The following ATP9B variants were observed in gnomAD, a reference collection of about 807,000 sequenced individuals.
ATP9B encodes ATPase phospholipid transporting 9B.
ATP9B carries 110 observed loss-of-function variants against 146.1 expected under a neutral mutation model. The ratio of observed to expected loss-of-function variants is 0.75; its 90% CI spans 0.65 to 0.88. The LOEUF (loss-of-function observed/expected upper bound fraction) is 0.88, where lower values mean the gene tolerates loss of function less well. Among genes scored for constraint, ATP9B ranks in the 40% least tolerant of loss-of-function variants. The pLI is 0.00. For synonymous variants in ATP9B, 604 were observed against 569.7 expected (o/e 1.06, Z -0.86); for missense variants, 1,499 against 1,496.4 (o/e 1.00, Z -0.03).
chr18:79,236,675 G>A (rs542460246), intron 11 of ATP9B, among the ~76,000 whole-genome samples: 5 of 152,266 alleles, frequency 3.3e-5, no homozygotes, highest in Non-Finnish European at 4.4e-5. Flanking sequence ...AGTGATTGTC[G>A]AAAGGCTGCC....
chr18:79,227,836 A>G (rs2095752093), intron 11 of ATP9B, among the ~76,000 whole-genome samples: 1 of 152,236 alleles, frequency 6.6e-6, no homozygotes, highest in Admixed American at 6.5e-5. Flanking sequence ...GTGCCTTTTC[A>G]GGAAGTTTTA....
intron 6 of ATP9B, among the ~76,000 whole-genome samples, chr18:79,148,472 C>T (rs992281074): frequency 3.9e-5 from 6 of 152,158 alleles, no homozygotes; most frequent in African/African-American, 1.2e-4. Flanking sequence ...GTGTAATCTA[C>T]GCTATCAACA....
rs1397293074 is a variant in ATP9B, at chr18:79,373,672, G to A, written c.3071-226G>A. Among the ~76,000 whole-genome samples, 2 of 152,198 alleles carry A rather than the reference G, an allele frequency of 1.3e-5. 1 individual carries two copies. The highest frequency in any genetic ancestry group is 1.3e-4 in the Admixed American group (2 of 15,286). On this transcript the variant is annotated intron_variant, in intron 27 of 29. Coordinates refer to ENST00000426216, the MANE Select transcript of ATP9B (RefSeq NM_198531.5). ...GCCTGGCTAATTTTTTGTATCTTTAGTAGAGATGGGGTTTCAGCATGTTGG... is the reference window on the plus strand; with the variant it reads ...GCCTGGCTAATTTTTTGTATCTTTAATAGAGATGGGGTTTCAGCATGTTGG...
chr18:79,375,640 T>A, intron 29 of ATP9B: 1 of 985,288 alleles, frequency 1.0e-6, no homozygotes, highest in Non-Finnish European at 1.2e-6. Context: ...TGGCCCTGAG[T>A]GAGGGGAAGG....
chr18:79,377,112 C>A, intron 29 of ATP9B, 135 bp from the exon 30 acceptor site: 1 of 985,702 alleles, frequency 1.0e-6, no homozygotes, highest in Non-Finnish European at 1.5e-6. Context: ...TGGAGCTGGG[C>A]CCCTGTAAAT....
At chr18:79,171,487 T>C (rs1187855144) in intron 7 of ATP9B, among the ~76,000 whole-genome samples, 1 of 152,204 alleles carries the variant, frequency 6.6e-6, no homozygotes. Context: ...TAAAAATACA[T>C]TTTATATTGA....
At chr18:79,354,728 G>A (rs1370584734) in intron 25 of ATP9B, among the ~76,000 whole-genome samples, 1 of 151,580 alleles carries the variant, frequency 6.6e-6, no homozygotes, top group Non-Finnish European at 1.5e-5. Context: ...TGAACAGAGG[G>A]GGCAAGGGGC....
chr18:79,105,818 A>C lies in ATP9B; in HGVS notation c.294-4537A>C, dbSNP rs536009628. The stretch of plus-strand genomic sequence containing the variant: ...GTTCTAATGTCCTCAACTAATCGGC[A>C]GACGTTGAGGGCACAGAAGCATGGG... On this transcript the variant is annotated intron_variant, in intron 2 of 29. Transcript: ENST00000426216. 3.3e-5 allele frequency among the ~76,000 whole-genome samples: 5 copies of C among 152,344 alleles called. No individual in the cohort carries two copies. In the South Asian group the frequency reaches 1.0e-3, roughly 32 times the overall value.
chr18:79,079,738 T>G (rs1236833742), intron 1 of ATP9B, among the ~76,000 whole-genome samples: 5 of 151,764 alleles, frequency 3.3e-5, no homozygotes, highest in Middle Eastern at 3.4e-3. Context: ...GTGTCCTGAA[T>G]GGTATTGCCT....
intron 1 of ATP9B, among the ~76,000 whole-genome samples, chr18:79,070,712 A>G (rs923979631): frequency 6.6e-6 from 1 of 151,836 alleles, no homozygotes; most frequent in African/African-American, 2.4e-5. Flanking sequence ...CGCACATTCA[A>G]GATTTTTTGT....
At chr18:79,288,983 C>T (rs2096473234) in intron 13 of ATP9B, among the ~76,000 whole-genome samples, 1 of 152,136 alleles carries the variant, frequency 6.6e-6, no homozygotes, top group Non-Finnish European at 1.5e-5. Context: ...CCGAGAGATC[C>T]ACTGTTAGTC....
At chr18:79,078,999 T>A (rs1290872075) in intron 1 of ATP9B, among the ~76,000 whole-genome samples, 1 of 152,220 alleles carries the variant, frequency 6.6e-6, no homozygotes. Context: ...ACTCATCCTT[T>A]TTTATGGCTG....
At chr18:79,277,300 T>A in intron 13 of ATP9B, 104 bp downstream of exon 13, 1 of 1,412,792 alleles carries the variant, frequency 7.1e-7, no homozygotes, top group Non-Finnish European at 9.7e-7. Context: ...TATATGTGTA[T>A]GTATTGGAAC....
chr18:79,321,256 A>G lies in ATP9B; in HGVS notation c.1774-7885A>G, dbSNP rs143373146. On this transcript the variant is annotated intron_variant, in intron 15 of 29. Transcript: ENST00000426216. ...TGGGAACCAGCCGTTCCTTTGATGT[A>G]TCTTCAATAAGGAGGACCAGGTCTG... Among the ~76,000 whole-genome samples the G allele has an allele frequency of 1.3e-3, 201 of 152,354 alleles. 4 individuals are homozygous for G. Among genetic ancestry groups the G allele is most frequent in the African/African-American group, 4.8e-3 (198 of 41,586 alleles).
In ATP9B at chr18:79,307,460, C is replaced by G. The variant is rs370841204; in HGVS notation, c.1773+226C>G. The G allele has an allele frequency of 3.1e-3, 1,804 of 573,370 alleles. 8 individuals are homozygous for G. Among genetic ancestry groups the G allele is most frequent in the South Asian group, 6.1e-3 (293 of 48,176 alleles). The allele number at this position is 573,370 out of a possible 1,614,324, so 35.5% of individuals were successfully genotyped here. On this transcript the variant is annotated intron_variant, in intron 15 of 29. Transcript: ENST00000426216. ...GTGCGGCCGCCACATCTCGGCACAT[C>G]CCAGAACACCCAGGGCTGGTCACAG...
chr18:79,197,821 A>G (rs923826472), intron 9 of ATP9B, among the ~76,000 whole-genome samples: 1 of 152,214 alleles, frequency 6.6e-6, no homozygotes, highest in Non-Finnish European at 1.5e-5. Flanking sequence ...AAAGGCAGAG[A>G]CTGTCAGACT....
At chr18:79,286,303 G>T (rs1193471897) in intron 13 of ATP9B, among the ~76,000 whole-genome samples, 1 of 152,016 alleles carries the variant, frequency 6.6e-6, no homozygotes, top group Non-Finnish European at 1.5e-5. Context: ...TTGAGCAGTG[G>T]TTTGTAGTTC....
At chr18:79,230,732 CATAT>C (rs1451024848) in intron 11 of ATP9B, among the ~76,000 whole-genome samples, 4 of 151,984 alleles carry the variant, frequency 2.6e-5, no homozygotes, top group African/African-American at 9.7e-5. Context: ...TCCTAAAATT[CATAT>C]GGAACCAAAA....
At position 79,330,018 on chromosome 18, in the gene ATP9B, T is replaced by A; in HGVS notation, c.1942T>A (p.Ser648Thr). 1 of 1,614,004 alleles carries A rather than the reference T, an allele frequency of 6.2e-7. No individual in the cohort carries two copies. The highest frequency in any genetic ancestry group is 1.3e-5 in the African/African-American group (1 of 75,040). The part of the protein sequence containing the change: ...KRMGVIVRDE[S>T]TAEITFYMKG... ...TATTTTTGTTCTTTGATAGGATGAA[T>A]CCACGGCAGAAATCACATTCTACAT... The change falls in exon 17 of 30, where the codon TCC becomes ACC. Residue 648 changes from serine to threonine, a missense_variant. Ser to Thr is a moderately conservative substitution (Grantham distance 58, BLOSUM62 1). Transcript: ENST00000426216.
Sources: gnomAD v4.1 joint callset for allele counts (sites outside exome capture counted in the v4.1 genomes callset) on GRCh38, gnomAD v4.1.1 for gene constraint, MANE v1.5 for transcripts, NCBI Gene and HGNC (gene_info 2026-07-23, HGNC 2026-07-21) for gene names.